RIMS1: variants seen among roughly 807,000 people sequenced by gnomAD.
The protein encoded by RIMS1 is regulating synaptic membrane exocytosis 1.
RIMS1 carries 83 observed loss-of-function variants against 214.1 expected under a neutral mutation model. That is an observed-to-expected ratio of 0.39 (90% confidence interval 0.32 to 0.47). The LOEUF is 0.47. RIMS1 is among the 20% of genes least tolerant of loss of function. The pLI is 0.99. For synonymous variants in RIMS1, 793 were observed against 786.8 expected, an observed-to-expected ratio of 1.01 and a Z score of -0.13; for missense variants, 2,050 against 2,161.8, an observed-to-expected ratio of 0.95 and a Z score of 1.03.
chr6:71,999,383 C>G (rs1056467642), intron 2 of RIMS1, among the ~76,000 whole-genome samples: 1 of 152,102 alleles, frequency 6.6e-6, no homozygotes, highest in African/African-American at 2.4e-5. Context: ...ATACACATAA[C>G]ATACATAGTC....
chr6:72,009,536 G>A (rs184856784), intron 2 of RIMS1, among the ~76,000 whole-genome samples: 11 of 150,912 alleles, frequency 7.3e-5, no homozygotes, highest in South Asian at 2.1e-4. Flanking sequence ...TAATCCAGGA[G>A]CTGGTTTTTT....
intron 29 of RIMS1, among the ~76,000 whole-genome samples, chr6:72,365,012 G>A (rs1404456981): frequency 6.6e-6 from 1 of 152,142 alleles, no homozygotes; most frequent in Admixed American, 6.5e-5. Flanking sequence ...ATGTCTACGG[G>A]GCATAGCCAG....
intron 18 of RIMS1, 70 bp from the exon 19 acceptor site, chr6:72,260,635 G>A: frequency 1.3e-6 from 2 of 1,582,322 alleles, no homozygotes; most frequent in East Asian, 2.3e-5. Flanking sequence ...TGTTTTCATT[G>A]GCATACCATT....
intron 2 of RIMS1, among the ~76,000 whole-genome samples, chr6:72,003,227 C>A (rs965407201): frequency 6.6e-6 from 1 of 152,262 alleles, no homozygotes; most frequent in Admixed American, 6.5e-5. Flanking sequence ...ATTGTCAGAT[C>A]TTATGGCTCT....
chr6:72,392,157 A>G (rs543517719), intron 30 of RIMS1, among the ~76,000 whole-genome samples: 1 of 152,236 alleles, frequency 6.6e-6, no homozygotes, highest in Non-Finnish European at 1.5e-5. Flanking sequence ...TCCTGGGGCT[A>G]TCAGGAAGTT....
chr6:72,395,757 T>G (rs1215047956), intron 31 of RIMS1, among the ~76,000 whole-genome samples: 1 of 151,964 alleles, frequency 6.6e-6, no homozygotes, highest in Admixed American at 6.6e-5. Flanking sequence ...TTCACATGTT[T>G]CTAGCATAAA....
intron 1 of RIMS1, among the ~76,000 whole-genome samples, chr6:71,902,591 A>G (rs563325347): frequency 1.3e-5 from 2 of 152,014 alleles, no homozygotes; most frequent in Admixed American, 1.3e-4. Context: ...GATTTGTTGT[A>G]GGTAGTTGCT....
chr6:72,343,492 CT>C (rs764125827), intron 29 of RIMS1, among the ~76,000 whole-genome samples: 6,078 of 57,500 alleles, frequency 0.11, 77 homozygotes, highest in Non-Finnish European at 0.12. Context: ...TCTTCTTCTT[CT>C]TTTTTTTTTT....
chr6:72,318,566 A>G (rs555495307), intron 28 of RIMS1, among the ~76,000 whole-genome samples: 8 of 152,218 alleles, frequency 5.3e-5, no homozygotes, highest in South Asian at 4.1e-4. Context: ...ATTTTTTTAA[A>G]TGCCTTATAT....
Position 72,262,987 on chromosome 6 carries a change from T to C in RIMS1, c.3117-1988T>C, listed in dbSNP as rs1563229499. ...AATATTATTATCCTGATTTTAGAGA[T>C]GAGGAAAAAAGCTACGAAAGTTTAT... is the stretch of plus-strand genomic sequence containing the variant. On this transcript the variant is annotated intron_variant, in intron 19 of 33. Coordinates refer to ENST00000521978, the MANE Select transcript of RIMS1 (RefSeq NM_014989.7). The C allele has an allele frequency of 1.0e-5, 6 of 582,720 alleles. No homozygotes were observed. The Admixed American group carries it at 3.2e-4, about 31-fold the overall frequency. 36.1% of individuals were successfully genotyped at this position (582,720 alleles called of 1,614,324 possible). A position where few individuals can be genotyped will look rare whatever the true frequency, so the allele number is the denominator to read the frequency against.
chr6:71,981,596 T>G (rs1798492381), intron 2 of RIMS1, among the ~76,000 whole-genome samples: 1 of 152,154 alleles, frequency 6.6e-6, no homozygotes, highest in Admixed American at 6.6e-5. Context: ...TGACAGAGAA[T>G]GTACAAAATT....
Position 72,029,030 on chromosome 6 carries a change from G to A in RIMS1, c.245+59967G>A, listed in dbSNP as rs201341210. The stretch of plus-strand genomic sequence containing the variant: ...TTATTGAAGTTTAAAGAGTTTGCTT[G>A]GTAACCACAGTTCATGTAAAAAGGG... On this transcript the variant is annotated intron_variant, in intron 2 of 33. Transcript: ENST00000521978. Among the ~76,000 whole-genome samples the A allele has an allele frequency of 2.3e-4, 35 of 152,158 alleles. 1 individual carries two copies. The East Asian group carries it at 6.8e-3, about 29-fold the overall frequency.
At chr6:72,124,460 G>C (rs186359985) in intron 4 of RIMS1, among the ~76,000 whole-genome samples, 2 of 151,684 alleles carry the variant, frequency 1.3e-5, no homozygotes, top group African/African-American at 4.8e-5. Context: ...GTGTCTTGGG[G>C]TTGCTCTTCT....
intron 4 of RIMS1, among the ~76,000 whole-genome samples, chr6:72,166,714 T>TAA (rs747984936): frequency 0.019 from 226 of 11,850 alleles, no homozygotes; most frequent in African/African-American, 0.023. Context: ...CGTCTCTATT[T>TAA]TAAAAAAAAA....
intron 19 of RIMS1, chr6:72,263,330 A>C (rs1045894291): frequency 5.0e-5 from 49 of 985,060 alleles, no homozygotes; most frequent in Non-Finnish European, 5.8e-5. Flanking sequence ...TAGTTGCCTT[A>C]CTGTATCCTA....
chr6:71,968,837 G>A, intron 1 of RIMS1, 146 bp from the exon 2 acceptor site: 1 of 677,780 alleles, frequency 1.5e-6, no homozygotes, highest in Non-Finnish European at 2.5e-6. Flanking sequence ...CAACTCCAAG[G>A]GCTTTGCTGG....
intron 28 of RIMS1, among the ~76,000 whole-genome samples, chr6:72,316,072 ATCT>A (rs1383168190): frequency 6.6e-6 from 1 of 152,158 alleles, no homozygotes; most frequent in East Asian, 1.9e-4. Context: ...GGACTTTATT[ATCT>A]TCTTTTTAAA....
chr6:71,984,787 A>G (rs1475227120), intron 2 of RIMS1, among the ~76,000 whole-genome samples: 1 of 144,176 alleles, frequency 6.9e-6, no homozygotes, highest in African/African-American at 2.6e-5. Context: ...CTATCTATCT[A>G]TCTATCTATC....
intron 6 of RIMS1, among the ~76,000 whole-genome samples, chr6:72,233,505 G>GT (rs75424973): frequency 0.067 from 9,496 of 141,616 alleles, 413 homozygotes; most frequent in African/African-American, 0.13. Context: ...GATTAACCCT[G>GT]TTTTTTTTTT....
Sources: gnomAD v4.1 joint callset for allele counts (sites outside exome capture counted in the v4.1 genomes callset) on GRCh38, gnomAD v4.1.1 for gene constraint, MANE v1.5 for transcripts, NCBI Gene and HGNC (gene_info 2026-07-23, HGNC 2026-07-21) for gene names.